PDE4C: variants seen among roughly 807,000 people sequenced by gnomAD.
PDE4C encodes the protein phosphodiesterase 4C.
Under a neutral mutation model 63.9 loss-of-function variants are expected in PDE4C, and 50 were observed. That is an observed-to-expected ratio of 0.78 (90% CI 0.62 to 0.99). The LOEUF (loss-of-function observed/expected upper bound fraction) is 0.99. Among genes scored for constraint, PDE4C ranks in the 50% least tolerant of loss-of-function variants. The probability of loss-of-function intolerance (pLI) is 0.00; values close to 1 mark genes in which losing one functional copy is unlikely to be tolerated. For missense variants in PDE4C, 777 were observed against 899.1 expected (o/e 0.86, Z 1.74); for synonymous variants, 377 against 385.1 (o/e 0.98, Z 0.25).
chr19:18,209,726 C>T, downstream of PDE4C: 1 of 143,696 alleles, frequency 7.0e-6, no homozygotes. Flanking sequence ...CAGTGTCTTG[C>T]TCTGTCGCCC....
chr19:18,251,703 T>TCCCGCCCC (rs1969232232), upstream of PDE4C, among the ~76,000 whole-genome samples: 1 of 68,804 alleles, frequency 1.5e-5, no homozygotes, highest in Admixed American at 1.4e-4. Flanking sequence ...GCCCCCGCCC[T>TCCCGCCCC]CGGCCTCCCA....
chr19:18,242,232 T>G (rs1001023521), intron 1 of PDE4C, among the ~76,000 whole-genome samples: 2 of 151,808 alleles, frequency 1.3e-5, no homozygotes, highest in Admixed American at 1.3e-4. Context: ...TCCCAGCACT[T>G]TGGGAGGCCG....
upstream of PDE4C, among the ~76,000 whole-genome samples, chr19:18,238,019 T>A (rs531950446): frequency 4.5e-4 from 69 of 151,754 alleles, no homozygotes; most frequent in African/African-American, 1.6e-3. Context: ...ACCCCAGGAG[T>A]TCTAGACCAG....
exon 2 of PDE4C, chr19:18,222,192 T>C: frequency 6.2e-7 from 1 of 1,614,130 alleles, no homozygotes; most frequent in Non-Finnish European, 8.5e-7. Flanking sequence ...ATAGTCGCTA[T>C]CTGAGCGGTA....
At chr19:18,227,523 C>G (rs1674254794), upstream of PDE4C, among the ~76,000 whole-genome samples, 2 of 152,200 alleles carry the variant, frequency 1.3e-5, no homozygotes, top group Admixed American at 1.3e-4. Flanking sequence ...CTGGGGGGGG[C>G]CTCTGGTGTC....
At chr19:18,231,158 C>T (rs538502718), upstream of PDE4C, among the ~76,000 whole-genome samples, 7 of 152,352 alleles carry the variant, frequency 4.6e-5, no homozygotes, top group East Asian at 1.2e-3. Context: ...AACTCAGTTT[C>T]GCTGGGCTTC....
At chr19:18,226,415 T>C (rs1470689842) in exon 1 of PDE4C, 5 of 1,424,426 alleles carry the variant, frequency 3.5e-6, no homozygotes, top group Non-Finnish European at 4.6e-6. Flanking sequence ...GGGCCCTGCA[T>C]CGCCAGGACT....
At chr19:18,228,656 T>G (rs1362280598), upstream of PDE4C, among the ~76,000 whole-genome samples, 1 of 152,252 alleles carries the variant, frequency 6.6e-6, no homozygotes, top group Non-Finnish European at 1.5e-5. Context: ...TTTAAATATT[T>G]TATTAACAGT....
rs184973874 is a variant in PDE4C, at chr19:18,213,262, C to T, written c.1512+106G>A. On this transcript the variant is annotated intron_variant, in intron 13 of 14. Transcript: ENST00000262805. Reference sequence around the variant, plus strand: ...TGGCGCCACTGCACTCCAGCCTGGGCGACAGAGTGAGACTCCGTCTCAATA... The same window carrying T: ...TGGCGCCACTGCACTCCAGCCTGGGTGACAGAGTGAGACTCCGTCTCAATA... The T allele has an allele frequency of 1.0e-4, 108 of 1,030,600 alleles. No homozygotes were observed. In the South Asian group the frequency reaches 1.4e-3, roughly 14 times the overall value. 63.8% of individuals were successfully genotyped at this position (1,030,600 alleles called of 1,614,324 possible).
chr19:18,211,119 C>T lies in PDE4C; in HGVS notation c.1853G>A (p.Arg618Gln), dbSNP rs770802497. 56 of 1,614,054 alleles carry T rather than the reference C, an allele frequency of 3.5e-5. No homozygotes were observed. The South Asian group carries it at 4.4e-4, about 13-fold the overall frequency. The change falls in exon 15 of 15, where the codon CGG becomes CAG. Residue 618 changes from arginine to glutamine, a missense_variant. Around this residue, in one of 3 missense-constraint regions of PDE4C, gnomAD observed 500 missense variants for 597.8 expected, o/e 0.84. Transcript: ENST00000262805. Reference sequence around the variant, plus strand: ...AAACTGGAATCTGTCAGGCCCGTCCCGCTCGGGGTTGGTGAGGTCTGAGGG... The same window carrying T: ...AAACTGGAATCTGTCAGGCCCGTCCTGCTCGGGGTTGGTGAGGTCTGAGGG...
At chr19:18,243,562 G>C (rs1432363534) in intron 1 of PDE4C, among the ~76,000 whole-genome samples, 2 of 152,174 alleles carry the variant, frequency 1.3e-5, no homozygotes, top group African/African-American at 4.8e-5. Context: ...CATCACATGA[G>C]TCCCAGATGG....
Position 18,220,314 on chromosome 19 carries a change from C to G in PDE4C, c.618G>C (p.Lys206Asn). ...GGGTCAACTCCCGGTTCAGGATCCG[C>G]TTGAACTGGGGCGGAGAGAAGGTGA... Residue 206 changes from lysine to asparagine, a missense_variant, in exon 7 of 15, where the codon AAG (lysine) becomes AAC (asparagine). Physicochemically the swap from Lys to Asn is moderately conservative, Grantham distance 94. Transcript: ENST00000262805. This position sits in a 1 kb window ranked among gnomAD's most constrained non-coding sequence, Gnocchi z 5.1. 6.2e-7 allele frequency: 1 copy of G among 1,614,160 alleles called. No individual in the cohort carries two copies. Among genetic ancestry groups the G allele is most frequent in the Non-Finnish European group, 8.5e-7 (1 of 1,180,024 alleles).
chr19:18,212,085 G>T, intron 13 of PDE4C, 144 bp from the exon 14 acceptor site: 1 of 743,830 alleles, frequency 1.3e-6, no homozygotes, highest in Non-Finnish European at 2.2e-6. Context: ...AATGGTTAAG[G>T]CACAGGCATG....
exon 1 of PDE4C, chr19:18,226,276 G>A (rs753969846): frequency 3.8e-6 from 6 of 1,563,810 alleles, no homozygotes; most frequent in East Asian, 2.4e-5. Context: ...TCACCACAGC[G>A]GATGGGCCAC....
At chr19:18,241,458 G>A (rs573638428) in intron 1 of PDE4C, among the ~76,000 whole-genome samples, 3 of 151,714 alleles carry the variant, frequency 2.0e-5, no homozygotes, top group Middle Eastern at 3.4e-3. Context: ...TAGTAGAGAC[G>A]GGGTCTCACC....
chr19:18,241,157 G>A (rs2148066462), intron 1 of PDE4C, among the ~76,000 whole-genome samples: 1 of 152,142 alleles, frequency 6.6e-6, no homozygotes, highest in South Asian at 2.1e-4. Flanking sequence ...AAGAGGGTGG[G>A]GTGTGTGGGG....
upstream of PDE4C, among the ~76,000 whole-genome samples, chr19:18,237,798 G>A (rs190546009): frequency 3.9e-3 from 578 of 149,962 alleles, 4 homozygotes; most frequent in Non-Finnish European, 7.0e-3. Context: ...GTGTGAACCC[G>A]GGAGGTGGAG....
upstream of PDE4C, chr19:18,250,114 G>A (rs1202034252): frequency 2.5e-6 from 1 of 398,754 alleles, no homozygotes; most frequent in Non-Finnish European, 4.4e-6. Flanking sequence ...CCCCATCTCT[G>A]TTGGCTCCTC....
upstream of PDE4C, among the ~76,000 whole-genome samples, chr19:18,236,686 G>T (rs747926194): frequency 2.0e-5 from 3 of 152,196 alleles, no homozygotes; most frequent in African/African-American, 4.8e-5. Flanking sequence ...TCAGCCTGTG[G>T]GCACCTCCTT....
Sources: gnomAD v4.1 joint callset for allele counts (sites outside exome capture counted in the v4.1 genomes callset) on GRCh38, gnomAD v4.1.1 for gene constraint, gnomAD v4.1.1 regional missense constraint, Gnocchi (gnomAD v3.1) non-coding constraint, MANE v1.5 for transcripts, NCBI Gene and HGNC (gene_info 2026-07-23, HGNC 2026-07-21) for gene names.